Variants in RGN observed in about 807,000 individuals in gnomAD.
The protein encoded by RGN is regucalcin.
RGN carries 19 observed loss-of-function variants against 20.6 expected under a neutral mutation model. The ratio of observed to expected loss-of-function variants is 0.92; its 90% CI spans 0.64 to 1.35. RGN has a LOEUF of 1.35. Among genes scored for constraint, RGN ranks in the 40% most tolerant of loss-of-function variants. The pLI is 0.00. For missense variants in RGN, 302 were observed against 232.7 expected, an observed-to-expected ratio of 1.30 and a Z score of -1.94; for synonymous variants, 85 against 87.2, an observed-to-expected ratio of 0.97 and a Z score of 0.14.
At chrX:47,090,909 G>GA (rs1418685695) in intron 5 of RGN, among the ~76,000 whole-genome samples, 425 of 16,900 alleles carry the variant, frequency 0.025, 9 homozygotes, top group African/African-American at 0.064. Flanking sequence ...AAGAAAGAAA[G>GA]AAGAAGGAAA....
intron 4 of RGN, among the ~76,000 whole-genome samples, 157 bp from the exon 5 acceptor site, chrX:47,089,619 A>G (rs2147024372): frequency 1.2e-5 from 1 of 85,922 alleles, no homozygotes; most frequent in Admixed American, 1.6e-4. Flanking sequence ...ACACACACAC[A>G]CACACACACA....
intron 4 of RGN, among the ~76,000 whole-genome samples, chrX:47,088,998 G>A (rs1930746086): frequency 1.0e-5 from 1 of 96,965 alleles, no homozygotes; most frequent in South Asian, 5.3e-4. Flanking sequence ...GAAGGAGAAG[G>A]AGGAGGCTTG....
chrX:47,089,630 CACAT>C (rs200698169), intron 4 of RGN, 142 bp from the exon 5 acceptor site: 89 of 224,328 alleles, frequency 4.0e-4, no homozygotes, highest in African/African-American at 3.3e-3. Context: ...CACACACACA[CACAT>C]ATATATATAT....
In RGN at chrX:47,093,219, A is replaced by G. The variant is rs782086736; in HGVS notation, c.*272A>G. On this transcript the variant is annotated 3_prime_UTR_variant, in exon 8 of 8. Transcript: ENST00000397180. ...GCCTCTTGATTCTTTGTAAATTGCCAGGGTGGGTGGGTACATATCTCTTCT... is the reference window on the plus strand; with the variant it reads ...GCCTCTTGATTCTTTGTAAATTGCCGGGGTGGGTGGGTACATATCTCTTCT... 2.1e-5 allele frequency: 7 copies of G among 336,617 alleles called. No homozygotes were observed. Among genetic ancestry groups the G allele is most frequent in the Non-Finnish European group, 3.6e-5 (7 of 196,265 alleles). The allele number at this position is 336,617 out of a possible 1,213,427, so 27.7% of individuals were successfully genotyped here. A position where few individuals can be genotyped will look rare whatever the true frequency, so the allele number is the denominator to read the frequency against.
intron 3 of RGN, 81 bp downstream of exon 3, chrX:47,081,388 A>G (rs1413146469): frequency 6.7e-6 from 6 of 890,530 alleles, no homozygotes; most frequent in Non-Finnish European, 9.7e-6. Context: ...CTTCTTGTTA[A>G]AGCACACTGA....
chrX:47,083,226 C>T (rs899006375), intron 3 of RGN, among the ~76,000 whole-genome samples: 4 of 109,556 alleles, frequency 3.7e-5, no homozygotes, highest in African/African-American at 6.7e-5. Context: ...ATGGTGAAAC[C>T]GTGTCTCTAC....
In RGN at chrX:47,086,734, G is replaced by GGAGGGA. The variant is rs1930604331; in HGVS notation, c.346+2137_346+2138insGGAGAG. ...GCTGCCCCTAGAACCAGTGATAACA[G>GGAGGGA]GAGAGAGAGAGAGAGAGAGAGAGAG... On this transcript the variant is annotated intron_variant, in intron 4 of 7. Transcript: ENST00000397180. Among the ~76,000 whole-genome samples the GGAGGGA allele has an allele frequency of 7.9e-5, 4 of 50,501 alleles. No homozygotes were observed. The East Asian group carries it at 3.0e-3, about 38-fold the overall frequency. The allele number at this position is 50,501 out of a possible 115,157, so 43.9% of individuals were successfully genotyped here.
At chrX:47,081,389 A>G (rs1930299736) in intron 3 of RGN, 82 bp downstream of exon 3, 2 of 896,745 alleles carry the variant, frequency 2.2e-6, no homozygotes, top group Non-Finnish European at 3.2e-6. Context: ...TTCTTGTTAA[A>G]GCACACTGAC....
chrX:47,084,438 G>A lies in RGN; in HGVS notation c.184G>A (p.Ala62Thr). 2.5e-6 allele frequency: 3 copies of A among 1,203,428 alleles called. No individual in the cohort carries two copies. The highest frequency in any genetic ancestry group is 1.8e-5 in the South Asian group (1 of 55,230). ...TACAGATGCCCCAGTCAGCTCCGTG[G>A]CTCTTCGCCAGTCGGGAGGCTATGT... ...VTMDAPVSSVALRQSGGYVAT... is the reference protein window; with the variant it reads ...VTMDAPVSSVTLRQSGGYVAT... Residue 62 changes from alanine to threonine, a missense_variant, in exon 4 of 8, where the codon GCT (alanine) becomes ACT (threonine). Coordinates refer to ENST00000397180, the MANE Select transcript of RGN (RefSeq NM_152869.4).
chrX:47,090,110 C>T, intron 5 of RGN, 119 bp downstream of exon 5: 4 of 450,391 alleles, frequency 8.9e-6, no homozygotes, highest in Non-Finnish European at 1.5e-5. Context: ...GGAGAGCTTT[C>T]TGATGCTACT....
intron 4 of RGN, chrX:47,084,901 G>GC: frequency 4.3e-6 from 1 of 235,055 alleles, no homozygotes; most frequent in Non-Finnish European, 7.6e-6. Context: ...GCTGCAGTGA[G>GC]CCAAGATCGT....
chrX:47,089,996 G>T lies in RGN; in HGVS notation c.562+5G>T. The T allele has an allele frequency of 8.8e-7, 1 of 1,132,817 alleles. No homozygotes were observed. The highest frequency in any genetic ancestry group is 1.2e-6 in the Non-Finnish European group (1 of 836,115). 93.4% of individuals were successfully genotyped at this position (1,132,817 alleles called of 1,213,427 possible). ...ACCTGCAGACAGGACAGATCTGTATGTATTTTTCATTATTTGTCTCAGTGC... is the reference window on the plus strand; with the variant it reads ...ACCTGCAGACAGGACAGATCTGTATTTATTTTTCATTATTTGTCTCAGTGC... On this transcript the variant is annotated splice_donor_5th_base_variant and intron_variant, in intron 5 of 7. Coordinates refer to ENST00000397180, the MANE Select transcript of RGN (RefSeq NM_152869.4).
intron 4 of RGN, among the ~76,000 whole-genome samples, chrX:47,087,244 G>T (rs1424098169): frequency 9.0e-6 from 1 of 111,314 alleles, no homozygotes; most frequent in Non-Finnish European, 1.9e-5. Flanking sequence ...GCCTCACATT[G>T]TTGGCCCTGC....
chrX:47,086,777 GA>G (rs1569540325), intron 4 of RGN, among the ~76,000 whole-genome samples: 12 of 102,374 alleles, frequency 1.2e-4, no homozygotes, highest in African/African-American at 4.7e-4. Context: ...GAGAGAGAGA[GA>G]GAGAGAAAGA....
At position 47,081,136 on chromosome X, in the gene RGN, C is replaced by T. The variant is rs1274560825; in HGVS notation, c.-9C>T. 3 of 1,200,641 alleles carry T rather than the reference C, an allele frequency of 2.5e-6. No homozygotes were observed. The highest frequency in any genetic ancestry group is 4.4e-5 in the Admixed American group (2 of 45,610). On this transcript the variant is annotated 5_prime_UTR_variant, in exon 3 of 8. Transcript: ENST00000397180. Reference sequence around the variant, plus strand: ...CCTCTGTTACCTTCAATAGATCTCCCCTGCGACCATGTCTTCCATTAAGAT... The same window carrying T: ...CCTCTGTTACCTTCAATAGATCTCCTCTGCGACCATGTCTTCCATTAAGAT...
chrX:47,085,953 A>G (rs1930569024), intron 4 of RGN, among the ~76,000 whole-genome samples: 1 of 112,454 alleles, frequency 8.9e-6, no homozygotes, highest in African/African-American at 3.2e-5. Flanking sequence ...CTGATATACT[A>G]TCTAAATCCC....
chrX:47,082,888 G>A (rs1404160557), intron 3 of RGN, among the ~76,000 whole-genome samples: 1 of 108,103 alleles, frequency 9.3e-6, no homozygotes. Context: ...GATCCCCAAT[G>A]AGAGTGTGTC....
intron 5 of RGN, among the ~76,000 whole-genome samples, chrX:47,091,263 G>C (rs1556387722): frequency 9.0e-6 from 1 of 111,414 alleles, no homozygotes; most frequent in Non-Finnish European, 1.9e-5. Context: ...TATCTTGCTA[G>C]TTTTTGTGCA....
At chrX:47,088,945 A>G (rs781928851) in intron 4 of RGN, among the ~76,000 whole-genome samples, 9 of 83,389 alleles carry the variant, frequency 1.1e-4, no homozygotes, top group African/African-American at 1.9e-4. Flanking sequence ...AAAAAAAAAA[A>G]AAGAAGAAGA....
Sources: gnomAD v4.1 joint callset for allele counts (sites outside exome capture counted in the v4.1 genomes callset) on GRCh38, gnomAD v4.1.1 for gene constraint, MANE v1.5 for transcripts, NCBI Gene and HGNC (gene_info 2026-07-23, HGNC 2026-07-21) for gene names.